Variants in RHCG observed in about 807,000 individuals in gnomAD.
The protein encoded by RHCG is ammonium transporter Rh type C.
RHCG carries 39 observed loss-of-function variants against 55.3 expected under a neutral mutation model. The ratio of observed to expected loss-of-function variants is 0.70; its 90% CI spans 0.55 to 0.92. The LOEUF (loss-of-function observed/expected upper bound fraction) is 0.92. Ranked by LOEUF, RHCG falls within the 40% of genes least tolerant of loss-of-function variation. RHCG has a pLI of 0.00. For synonymous variants in RHCG, 250 were observed against 246.8 expected, an observed-to-expected ratio of 1.01 and a Z score of -0.12; for missense variants, 635 against 627.9, an observed-to-expected ratio of 1.01 and a Z score of -0.12.
At chr15:89,476,412 G>A (rs1961150854) in intron 9 of RHCG, among the ~76,000 whole-genome samples, 1 of 152,072 alleles carries the variant, frequency 6.6e-6, no homozygotes, top group South Asian at 2.1e-4. Context: ...TGATGGTGCC[G>A]GGCACCATAC....
chr15:89,479,843 C>T (rs1447232121), intron 4 of RHCG: 7 of 375,094 alleles, frequency 1.9e-5, no homozygotes, highest in Non-Finnish European at 2.9e-5. Flanking sequence ...TCCTGGAGGG[C>T]AGGGCTGGGT....
Position 89,496,471 on chromosome 15 carries a change from A to G in RHCG, c.74T>C (p.Leu25Pro), listed in dbSNP as rs1248554626. Residue 25 changes from leucine (L) to proline (P), a missense_variant, in exon 1 of 11, where the codon CTC (leucine) becomes CCC (proline). Physicochemically the swap from Leu to Pro is moderately conservative, Grantham distance 98 (BLOSUM62 -3). Transcript: ENST00000268122. ...CLLLQVIMVILFGVFVRYDFE... is the reference protein window; with the variant it reads ...CLLLQVIMVIPFGVFVRYDFE... Reference sequence around the variant, plus strand: ...GTCGTAGCGCACGAACACCCCGAAGAGAATCACCATAATCACCTGCAGGAG... The same window carrying G: ...GTCGTAGCGCACGAACACCCCGAAGGGAATCACCATAATCACCTGCAGGAG... The G allele has an allele frequency of 6.2e-7, 1 of 1,613,998 alleles. No individual in the cohort carries two copies. The highest frequency in any genetic ancestry group is 1.1e-5 in the South Asian group (1 of 91,084).
At chr15:89,491,051 G>T (rs1961466308) in intron 1 of RHCG, among the ~76,000 whole-genome samples, 1 of 152,308 alleles carries the variant, frequency 6.6e-6, no homozygotes, top group Non-Finnish European at 1.5e-5. Context: ...GATGAGAAGG[G>T]TGTCAGTTGC....
rs1178291346 is a variant in RHCG, at chr15:89,476,976, G to A, written c.1237+106C>T. 1.9e-6 allele frequency: 3 copies of A among 1,563,090 alleles called. No homozygotes were observed. The African/African-American group carries it at 4.1e-5, about 21-fold the overall frequency. ...CTGTAGCCAGAAGTGCAGAGATCAG[G>A]GATTCCTGGGGGCTCAGGCTGACCT... On this transcript the variant is annotated intron_variant, in intron 8 of 10. Coordinates refer to ENST00000268122, the MANE Select transcript of RHCG (RefSeq NM_016321.3).
At chr15:89,472,583 AG>A in intron 10 of RHCG, 127 bp downstream of exon 10, 1 of 901,940 alleles carries the variant, frequency 1.1e-6, no homozygotes, top group South Asian at 1.7e-5. Context: ...CACCTCAGGC[AG>A]GAGGGGTGGA....
intron 1 of RHCG, among the ~76,000 whole-genome samples, chr15:89,488,791 A>C (rs1316863374): frequency 6.6e-6 from 1 of 151,274 alleles, no homozygotes; most frequent in Non-Finnish European, 1.5e-5. Flanking sequence ...GGGGAGTGCT[A>C]TAATGGTCAT....
chr15:89,489,984 A>G (rs1961443963), intron 1 of RHCG, among the ~76,000 whole-genome samples: 1 of 152,182 alleles, frequency 6.6e-6, no homozygotes, highest in African/African-American at 2.4e-5. Context: ...CACCTAGGAG[A>G]GTGCCAAGGT....
At chr15:89,486,599 AGT>A (rs778060424) in intron 2 of RHCG, 198 bp downstream of exon 2, 193 of 264,380 alleles carry the variant, frequency 7.3e-4, no homozygotes, top group African/African-American at 4.6e-3. Context: ...AGAGAGAGAG[AGT>A]GTGTGTGTGT....
Position 89,477,935 on chromosome 15 carries a change from C to A in RHCG, c.877G>T (p.Val293Leu), listed in dbSNP as rs139841033. Residue 293 changes from valine (V) to leucine (L), a missense_variant, in exon 6 of 11, where the codon GTG (valine) becomes TTG (leucine). Transcript: ENST00000268122. This position sits in a 1 kb window ranked among gnomAD's most constrained non-coding sequence, Gnocchi z 4.5. ...QNATLAGGVA[V>L]GTAAEMMLMP... ...AGCATCATCTCAGCAGCGGTACCCA[C>A]GGCCACCCCTCCTGCGAGCGTGGCA... 75 of 1,612,468 alleles carry A rather than the reference C, an allele frequency of 4.7e-5. No individual in the cohort carries two copies. The highest frequency in any genetic ancestry group is 6.0e-5 in the Non-Finnish European group (71 of 1,179,000).
At chr15:89,496,267 A>G (rs930142137) in intron 1 of RHCG, 94 bp downstream of exon 1, 430 of 1,310,796 alleles carry the variant, frequency 3.3e-4, no homozygotes, top group Non-Finnish European at 4.4e-4. Flanking sequence ...TGCAGGGTAG[A>G]TCCCCTCCTC....
At chr15:89,486,599 AGTGTGT>A (rs778060424) in intron 2 of RHCG, 194 bp downstream of exon 2, 104 of 264,372 alleles carry the variant, frequency 3.9e-4, no homozygotes, top group African/African-American at 3.1e-3. Flanking sequence ...AGAGAGAGAG[AGTGTGT>A]GTGTGTGTGT....
intron 2 of RHCG, 200 bp downstream of exon 2, chr15:89,486,599 A>AGAGAGTGTGAGTGTGTGTGT: frequency 1.7e-4 from 46 of 264,454 alleles, no homozygotes; most frequent in African/African-American, 3.6e-4. Context: ...AGAGAGAGAG[A>AGAGAGTGTGAGTGTGTGTGT]GTGTGTGTGT....
chr15:89,475,146 ATTCCTTCC>A (rs1356330637), intron 9 of RHCG, among the ~76,000 whole-genome samples: 1 of 42,166 alleles, frequency 2.4e-5, no homozygotes, highest in South Asian at 9.6e-4. Flanking sequence ...GCCTTCCTTC[ATTCCTTCC>A]TTCCTTCCTG....
chr15:89,493,485 G>A (rs1023432214), intron 1 of RHCG, among the ~76,000 whole-genome samples: 21 of 152,220 alleles, frequency 1.4e-4, no homozygotes. Flanking sequence ...GGACTCCTCC[G>A]GAAACTGGAG....
Position 89,477,946 on chromosome 15 carries a change from C to T in RHCG, c.866G>A (p.Gly289Glu). 1.2e-6 allele frequency: 2 copies of T among 1,611,044 alleles called. No individual in the cohort carries two copies. ...AGCAGCGGTACCCACGGCCACCCCTCCTGCGAGCGTGGCATTCTGGATGTG... is the reference window on the plus strand; with the variant it reads ...AGCAGCGGTACCCACGGCCACCCCTTCTGCGAGCGTGGCATTCTGGATGTG... Reference protein sequence around the residue: ...MVHIQNATLAGGVAVGTAAEM... With the variant: ...MVHIQNATLAEGVAVGTAAEM... Residue 289 changes from glycine (G) to glutamate (E), a missense_variant, in exon 6 of 11, where the codon GGA becomes GAA. Physicochemically the swap from Gly to Glu is moderately conservative, Grantham distance 98 (BLOSUM62 -2). Transcript: ENST00000268122. This position sits in a 1 kb window ranked among gnomAD's most constrained non-coding sequence, Gnocchi z 4.5.
intron 1 of RHCG, among the ~76,000 whole-genome samples, chr15:89,488,372 A>T (rs935738131): frequency 2.3e-4 from 35 of 152,194 alleles, no homozygotes; most frequent in African/African-American, 8.4e-4. Flanking sequence ...ATGCAGGGGG[A>T]AATTTTGAGT....
At position 89,496,510 on chromosome 15, in the gene RHCG, G is replaced by A. The variant is rs375054718; in HGVS notation, c.35C>T (p.Pro12Leu). ...CACCTGCAGGAGCAGGCAGGTGAGCGGCAGCCGCCAGCGGAGGTTGGTGTT... is the reference window on the plus strand; with the variant it reads ...CACCTGCAGGAGCAGGCAGGTGAGCAGCAGCCGCCAGCGGAGGTTGGTGTT... Reference protein sequence around the residue: ...AWNTNLRWRLPLTCLLLQVIM... With the variant: ...AWNTNLRWRLLLTCLLLQVIM... Residue 12 changes from proline to leucine, a missense_variant, in exon 1 of 11, where the codon CCG becomes CTG. Pro to Leu is a moderately conservative substitution (Grantham distance 98, BLOSUM62 -3). Transcript: ENST00000268122. 1.2e-6 allele frequency: 2 copies of A among 1,613,022 alleles called. No homozygotes were observed. Among genetic ancestry groups the A allele is most frequent in the Middle Eastern group, 1.6e-4 (1 of 6,062 alleles).
intron 1 of RHCG, among the ~76,000 whole-genome samples, chr15:89,496,125 G>A (rs969523918): frequency 3.3e-5 from 5 of 152,212 alleles, no homozygotes; most frequent in Non-Finnish European, 2.9e-5. Flanking sequence ...CTGACGGCTG[G>A]GAGGGCGGTC....
intron 1 of RHCG, 59 bp downstream of exon 1, chr15:89,496,302 G>A: frequency 1.5e-5 from 24 of 1,578,406 alleles, no homozygotes; most frequent in Non-Finnish European, 2.1e-5. Flanking sequence ...CCGAGCCCTT[G>A]GCCAGGTGGG....
Sources: allele counts gnomAD v4.1 joint callset (sites outside exome capture counted in the v4.1 genomes callset), GRCh38; gene constraint gnomAD v4.1.1; non-coding constraint Gnocchi (gnomAD v3.1); transcripts MANE v1.5; gene names NCBI Gene and HGNC (gene_info 2026-07-23, HGNC 2026-07-21).